The following TBX18 variants were observed in gnomAD, a reference collection of about 807,000 sequenced individuals.
TBX18 encodes the protein T-box transcription factor TBX18.
TBX18 carries 21 observed loss-of-function variants against 55.0 expected under a neutral mutation model. The observed-to-expected ratio is 0.38, with a 90% CI of 0.27 to 0.55. The LOEUF is 0.55. Ranked by LOEUF, TBX18 falls within the 20% of genes least tolerant of loss-of-function variation. The probability of loss-of-function intolerance (pLI) is 0.73; values close to 1 mark genes in which losing one functional copy is unlikely to be tolerated. For synonymous variants in TBX18, 342 were observed against 326.1 expected (o/e 1.05, Z -0.53); for missense variants, 840 against 799.6 (o/e 1.05, Z -0.61).
At chr6:84,763,019 G>A in intron 1 of TBX18, 2 of 556,948 alleles carry the variant, frequency 3.6e-6, no homozygotes, top group Non-Finnish European at 3.2e-6. Flanking sequence ...CACCCCACCC[G>A]CTGGGCCTCC....
intron 5 of TBX18, among the ~76,000 whole-genome samples, chr6:84,746,940 G>C (rs1431496865): frequency 3.3e-5 from 5 of 151,538 alleles, no homozygotes; most frequent in Admixed American, 6.6e-5. Context: ...GCTTATAAAA[G>C]AGTGGCAACA....
chr6:84,757,654 A>G (rs557004766), intron 3 of TBX18, among the ~76,000 whole-genome samples: 3 of 152,192 alleles, frequency 2.0e-5, no homozygotes, highest in East Asian at 1.9e-4. Flanking sequence ...GAAACAAAAC[A>G]TCCTTTCTAT....
intron 3 of TBX18, 91 bp from the exon 4 acceptor site, chr6:84,756,960 T>C: frequency 8.0e-7 from 1 of 1,257,620 alleles, no homozygotes; most frequent in Non-Finnish European, 1.1e-6. Flanking sequence ...CCTATTTTGT[T>C]TCAGTTTTAA....
intron 6 of TBX18, among the ~76,000 whole-genome samples, chr6:84,742,894 C>T (rs1442981599): frequency 1.3e-5 from 2 of 152,274 alleles, no homozygotes; most frequent in Non-Finnish European, 2.9e-5. Flanking sequence ...TCTTCAGTCA[C>T]CTCACTAAGT....
At chr6:84,759,241 C>T (rs215942) in intron 3 of TBX18, among the ~76,000 whole-genome samples, 151,658 of 152,220 alleles carry the variant, frequency 1, 75,549 homozygotes, top group Middle Eastern at 1. Context: ...TTACCCCTTT[C>T]TGTAGTATTC....
Position 84,760,291 on chromosome 6 carries a change from G to A in TBX18, c.563C>T (p.Ala188Val). The change falls in exon 3 of 8, where the codon GCC becomes GTC. Residue 188 changes from alanine (A) to valine (V), a missense_variant. Coordinates refer to ENST00000369663, the MANE Select transcript of TBX18 (RefSeq NM_001080508.3). The part of the protein sequence containing the change: ...GLDPHQQYYI[A>V]MDIVPVDNKR... Reference sequence around the variant, plus strand: ...GTTGTCCACTGGTACAATATCCATGGCAATGTAATATTGCTGGTGAGGATC... The same window carrying A: ...GTTGTCCACTGGTACAATATCCATGACAATGTAATATTGCTGGTGAGGATC... 6.2e-7 allele frequency: 1 copy of A among 1,606,712 alleles called. No individual in the cohort carries two copies. Among genetic ancestry groups the A allele is most frequent in the Non-Finnish European group, 8.5e-7 (1 of 1,175,554 alleles).
rs1174327854 is a variant in TBX18, at chr6:84,733,614, G to A, written c.*3071C>T. ...ACTTCATGGGACACTGCAGAGTTTA[G>A]TTAGGGATCTCTCTTCTTGCACCTT... is the stretch of plus-strand genomic sequence containing the variant. On this transcript the variant is annotated 3_prime_UTR_variant, in exon 8 of 8. Transcript: ENST00000369663. The A allele has an allele frequency of 1.3e-5, 2 of 152,140 alleles. No homozygotes were observed. The highest frequency in any genetic ancestry group is 2.1e-4 in the South Asian group (1 of 4,834). 9.4% of individuals were successfully genotyped at this position (152,140 alleles called of 1,614,324 possible).
chr6:84,756,815 C>A lies in TBX18; in HGVS notation c.654G>T (p.Val218=), dbSNP rs1433860767. 1 of 1,614,070 alleles carries A rather than the reference C, an allele frequency of 6.2e-7. No homozygotes were observed. Among genetic ancestry groups the A allele is most frequent in the Non-Finnish European group, 8.5e-7 (1 of 1,180,010 alleles). The change falls in exon 4 of 8, where the codon GTG becomes GTT. Residue 218 remains valine, a synonymous_variant. Transcript: ENST00000369663. ...WMVAGNADSP[V]PPRVYIHPDS... ...CTGGATGAATGTACACACGGGGTGG[C>A]ACAGGCGAGTCAGCATTACCTGCCA... is the stretch of plus-strand genomic sequence containing the variant.
At chr6:84,746,568 C>T (rs1767197313) in intron 5 of TBX18, among the ~76,000 whole-genome samples, 1 of 142,652 alleles carries the variant, frequency 7.0e-6, no homozygotes, top group Non-Finnish European at 1.5e-5. Flanking sequence ...TAATTATATA[C>T]ATTATAAATA....
At position 84,736,601 on chromosome 6, in the gene TBX18, G is replaced by A. The variant is rs1408116667; in HGVS notation, c.*84C>T. 1.4e-6 allele frequency: 2 copies of A among 1,416,746 alleles called. No individual in the cohort carries two copies. Among genetic ancestry groups the A allele is most frequent in the African/African-American group, 2.9e-5 (2 of 68,792 alleles). 87.8% of individuals were successfully genotyped at this position (1,416,746 alleles called of 1,614,324 possible). Reference sequence around the variant, plus strand: ...TTATATGTACATTTTATAAACCACAGAGAGTTTCTTTCCACATAGCTTTTA... The same window carrying A: ...TTATATGTACATTTTATAAACCACAAAGAGTTTCTTTCCACATAGCTTTTA... On this transcript the variant is annotated 3_prime_UTR_variant, in exon 8 of 8. Transcript: ENST00000369663.
At position 84,736,065 on chromosome 6, in the gene TBX18, A is replaced by C. The variant is rs1773930951; in HGVS notation, c.*620T>G. 1 of 152,526 alleles carries C rather than the reference A, an allele frequency of 6.6e-6. No individual in the cohort carries two copies. The highest frequency in any genetic ancestry group is 1.5e-5 in the Non-Finnish European group (1 of 68,030). 9.4% of individuals were successfully genotyped at this position (152,526 alleles called of 1,614,324 possible). A position where few individuals can be genotyped will look rare whatever the true frequency, so the allele number is the denominator to read the frequency against. ...CTCCTTTACCTTCCTTAAGAAAATAACAATTATTATGGGTTATGATTTTTT... is the reference window on the plus strand; with the variant it reads ...CTCCTTTACCTTCCTTAAGAAAATACCAATTATTATGGGTTATGATTTTTT... On this transcript the variant is annotated 3_prime_UTR_variant, in exon 8 of 8. Transcript: ENST00000369663.
Position 84,736,580 on chromosome 6 carries a change from A to T in TBX18, c.*105T>A. ...CCAGTGAGCCTTCATTTTCTATTAT[A>T]TGTACATTTTATAAACCACAGAGAG... On this transcript the variant is annotated 3_prime_UTR_variant, in exon 8 of 8. Coordinates refer to ENST00000369663, the MANE Select transcript of TBX18 (RefSeq NM_001080508.3). 7.6e-7 allele frequency: 1 copy of T among 1,315,394 alleles called. No homozygotes were observed. Among genetic ancestry groups the T allele is most frequent in the East Asian group, 2.6e-5 (1 of 38,786 alleles). 81.5% of individuals were successfully genotyped at this position (1,315,394 alleles called of 1,614,324 possible).
rs1738363 is a variant in TBX18, at chr6:84,734,371, G to A, written c.*2314C>T. 133,574 of 152,178 alleles carry A rather than the reference G, an allele frequency of 0.88. 58,840 individuals carry two copies. Among genetic ancestry groups the A allele is most frequent in the South Asian group, 0.96 (4,603 of 4,816 alleles). 9.4% of individuals were successfully genotyped at this position (152,178 alleles called of 1,614,324 possible). ...GAGGTACAGAATTTGCGTTTGGGGT[G>A]TGCATGTGTGTGCTTATTCTTGGAT... On this transcript the variant is annotated 3_prime_UTR_variant, in exon 8 of 8. Coordinates refer to ENST00000369663, the MANE Select transcript of TBX18 (RefSeq NM_001080508.3).
At position 84,763,962 on chromosome 6, in the gene TBX18, C is replaced by T. The variant is rs1332354278; in HGVS notation, c.220G>A (p.Ala74Thr). 1 of 1,580,292 alleles carries T rather than the reference C, an allele frequency of 6.3e-7. No individual in the cohort carries two copies. Among genetic ancestry groups the T allele is most frequent in the East Asian group, 2.3e-5 (1 of 43,282 alleles). ...GTCGCCCCAGCCGGCGGCGGGAGCG[C>T]AGCGCCTTCGTCTCCCTCAGAAGAA... is the stretch of plus-strand genomic sequence containing the variant. ...KGSSEGDEGA[A>T]LPPPAGATSG... Residue 74 changes from alanine (A) to threonine (T), a missense_variant, in exon 1 of 8, where the codon GCG (alanine) becomes ACG (threonine). Transcript: ENST00000369663.
chr6:84,756,566 CAAAG>C (rs962632174), intron 4 of TBX18, 128 bp downstream of exon 4: 3 of 845,866 alleles, frequency 3.5e-6, no homozygotes, highest in South Asian at 2.0e-5. Context: ...CTTGATTCTG[CAAAG>C]ACAGTGTACA....
chr6:84,762,484 G>C, intron 2 of TBX18, 60 bp downstream of exon 2: 2 of 1,586,108 alleles, frequency 1.3e-6, no homozygotes, highest in East Asian at 2.2e-5. Context: ...GATTGAGCTA[G>C]AGGTGAGTGA....
chr6:84,737,449 C>T (rs974949059), intron 7 of TBX18, 40 bp from the exon 8 acceptor site: 14 of 1,487,690 alleles, frequency 9.4e-6, no homozygotes, highest in Non-Finnish European at 1.3e-5. Context: ...ACTCCACAGT[C>T]ATCCTTTCCT....
Position 84,764,016 on chromosome 6 carries a change from T to C in TBX18, c.166A>G (p.Ser56Gly), listed in dbSNP as rs1321321354. Residue 56 changes from serine to glycine, a missense_variant, in exon 1 of 8, where the codon AGC becomes GGC. Coordinates refer to ENST00000369663, the MANE Select transcript of TBX18 (RefSeq NM_001080508.3). ...AAGAVDDGGC[S>G]RGGGAGEKGS... ...TTTTCGCCCGCGCCGCCGCCGCGGC[T>C]GCAGCCTCCGTCGTCCACGGCCCCC... 1 of 1,556,962 alleles carries C rather than the reference T, an allele frequency of 6.4e-7. No homozygotes were observed. Among genetic ancestry groups the C allele is most frequent in the South Asian group, 1.2e-5 (1 of 85,594 alleles).
rs772573127 is a variant in TBX18 at position 84,764,103 on chromosome 6, C to T, written c.79G>A (p.Gly27Ser). 3 of 1,586,216 alleles carry T rather than the reference C, an allele frequency of 1.9e-6. No individual in the cohort carries two copies. The highest frequency in any genetic ancestry group is 2.6e-6 in the Non-Finnish European group (3 of 1,172,908). ...AHAFSVEALI[G>S]AEKQQQLQKK... Reference sequence around the variant, plus strand: ...TGAAGCTGTTGCTGCTTCTCGGCGCCGATCAGCGCCTCCACCGAGAAAGCG... The same window carrying T: ...TGAAGCTGTTGCTGCTTCTCGGCGCTGATCAGCGCCTCCACCGAGAAAGCG... Residue 27 changes from glycine (G) to serine (S), a missense_variant, in exon 1 of 8, where the codon GGC becomes AGC. Transcript: ENST00000369663.
Sources: gnomAD v4.1 joint callset for allele counts (sites outside exome capture counted in the v4.1 genomes callset) on GRCh38, gnomAD v4.1.1 for gene constraint, MANE v1.5 for transcripts, NCBI Gene and HGNC (gene_info 2026-07-23, HGNC 2026-07-21) for gene names.